The following MAGI1 variants were observed in gnomAD, a reference collection of about 807,000 sequenced individuals.
MAGI1 encodes the protein membrane-associated guanylate kinase, WW and PDZ domain-containing protein 1.
MAGI1 carries 58 observed loss-of-function variants against 139.9 expected under a neutral mutation model. The observed-to-expected ratio is 0.41, with a 90% confidence interval of 0.34 to 0.52. The LOEUF (loss-of-function observed/expected upper bound fraction) is 0.52, where lower values mean the gene tolerates loss of function less well. MAGI1 is among the 20% of genes least tolerant of loss of function. MAGI1 has a pLI of 0.12. For missense variants in MAGI1, 1,874 were observed against 1,901.6 expected (o/e 0.99, Z 0.27); for synonymous variants, 812 against 737.9 (o/e 1.10, Z -1.63).
At chr3:65,509,363 CG>C (rs1396067906) in intron 2 of MAGI1, among the ~76,000 whole-genome samples, 1 of 152,098 alleles carries the variant, frequency 6.6e-6, no homozygotes, top group Non-Finnish European at 1.5e-5. Context: ...ACGCAGAAGA[CG>C]GGTGATTTCT....
chr3:65,530,810 CATATATAT>C (rs1198443571), intron 2 of MAGI1, among the ~76,000 whole-genome samples: 26,925 of 91,206 alleles, frequency 0.3, 5,365 homozygotes, highest in African/African-American at 0.37. Flanking sequence ...TATATACACA[CATATATAT>C]ACACGTATAT....
At chr3:65,662,751 T>A (rs1318792543) in intron 1 of MAGI1, among the ~76,000 whole-genome samples, 1 of 152,204 alleles carries the variant, frequency 6.6e-6, no homozygotes, top group Admixed American at 6.5e-5. Flanking sequence ...ATTTCCAGTA[T>A]ACGATATTAT....
At chr3:65,386,262 AAG>A (rs888235828) in intron 14 of MAGI1, among the ~76,000 whole-genome samples, 2 of 128,074 alleles carry the variant, frequency 1.6e-5, no homozygotes, top group South Asian at 2.5e-4. Flanking sequence ...AAAAAAAAAA[AAG>A]CTTCGTTTCC....
At chr3:65,581,163 G>A (rs1421076749) in intron 2 of MAGI1, among the ~76,000 whole-genome samples, 1 of 151,616 alleles carries the variant, frequency 6.6e-6, no homozygotes, top group Non-Finnish European at 1.5e-5. Context: ...ACTCCCTACA[G>A]TCTGAGAGGC....
intron 13 of MAGI1, among the ~76,000 whole-genome samples, chr3:65,401,158 A>T (rs1203474511): frequency 6.6e-6 from 1 of 152,110 alleles, no homozygotes; most frequent in African/African-American, 2.4e-5. Flanking sequence ...CCTTTGAAGG[A>T]GAGTGTGGAT....
At chr3:65,809,310 C>A (rs2041068795) in intron 1 of MAGI1, among the ~76,000 whole-genome samples, 1 of 152,140 alleles carries the variant, frequency 6.6e-6, no homozygotes. Flanking sequence ...ACCACTAGGA[C>A]ATGGTAACAG....
intron 1 of MAGI1, among the ~76,000 whole-genome samples, chr3:65,956,583 C>A (rs1399252457): frequency 6.6e-6 from 1 of 152,182 alleles, no homozygotes; most frequent in Non-Finnish European, 1.5e-5. Context: ...AGTAGGCATA[C>A]TTTCAGGTGG....
rs114313546 is a variant in MAGI1, at chr3:65,410,616, C to T, written c.2168-9146G>A. Among the ~76,000 whole-genome samples the T allele has an allele frequency of 4.0e-3, 605 of 152,280 alleles. 3 individuals are homozygous for T. The highest frequency in any genetic ancestry group is 0.014 in the African/African-American group (583 of 41,550). On this transcript the variant is annotated intron_variant, in intron 12 of 22. Coordinates refer to ENST00000402939, the MANE Select transcript of MAGI1 (RefSeq NM_001033057.2). ...CTACCACTGACAACTGCTAGGTCAA[C>T]GGGGTCAAGGTATCTAGGGCTCATA...
At position 65,808,965 on chromosome 3, in the gene MAGI1, A is replaced by T. The variant is rs566688686; in HGVS notation, c.314-186877T>A. ...TAAAAGGGAAAGGAAATAAGGGGAG[A>T]TTTACGCTGGGAAAATGAGAGTAAT... On this transcript the variant is annotated intron_variant, in intron 1 of 22. Transcript: ENST00000402939. Among the ~76,000 whole-genome samples the T allele has an allele frequency of 1.6e-4, 24 of 152,266 alleles. 1 individual carries two copies. The South Asian group carries it at 4.8e-3, about 30-fold the overall frequency.
At chr3:65,688,250 G>C (rs879224872) in intron 1 of MAGI1, 1 of 839,942 alleles carries the variant, frequency 1.2e-6, no homozygotes, top group South Asian at 1.3e-5. Flanking sequence ...CCCAGACTCT[G>C]GTCTGAATCC....
intron 1 of MAGI1, among the ~76,000 whole-genome samples, chr3:65,635,607 G>A (rs2084568495): frequency 6.6e-6 from 1 of 152,136 alleles, no homozygotes; most frequent in African/African-American, 2.4e-5. Context: ...AGCACCCAGG[G>A]GTAAACCCTT....
intron 2 of MAGI1, among the ~76,000 whole-genome samples, chr3:65,579,418 CT>C (rs747852110): frequency 2.6e-5 from 4 of 152,186 alleles, no homozygotes; most frequent in Non-Finnish European, 5.9e-5. Flanking sequence ...TGCCCTATGA[CT>C]ACCAGATACA....
At chr3:65,926,581 GCCAAAACCTA>G (rs1028207212) in intron 1 of MAGI1, among the ~76,000 whole-genome samples, 3 of 152,164 alleles carry the variant, frequency 2.0e-5, no homozygotes, top group African/African-American at 7.2e-5. Context: ...AAAGAAGCCA[GCCAAAACCTA>G]CCAAAACCAA....
At chr3:65,559,111 C>T (rs1366841321) in intron 2 of MAGI1, among the ~76,000 whole-genome samples, 1 of 152,182 alleles carries the variant, frequency 6.6e-6, no homozygotes, top group African/African-American at 2.4e-5. Flanking sequence ...TTCTTGGAGT[C>T]CATTTTCCTC....
intron 1 of MAGI1, among the ~76,000 whole-genome samples, chr3:65,995,259 CA>C (rs1183069023): frequency 1.3e-5 from 2 of 152,252 alleles, no homozygotes; most frequent in East Asian, 3.9e-4. Flanking sequence ...ACATAAATAA[CA>C]AATGCAATAT....
At chr3:65,837,157 G>A (rs549018485) in intron 1 of MAGI1, among the ~76,000 whole-genome samples, 37 of 152,172 alleles carry the variant, frequency 2.4e-4, no homozygotes, top group Non-Finnish European at 3.7e-4. Flanking sequence ...GCTTCTCCAC[G>A]AAGTATTATG....
chr3:65,370,911 T>A (rs1019900589), intron 18 of MAGI1, among the ~76,000 whole-genome samples: 1 of 152,232 alleles, frequency 6.6e-6, no homozygotes, highest in African/African-American at 2.4e-5. Flanking sequence ...CCTGCCTCAG[T>A]CTCCACAAGT....
At chr3:66,022,604 T>A (rs181042175) in intron 1 of MAGI1, among the ~76,000 whole-genome samples, 45 of 152,330 alleles carry the variant, frequency 3.0e-4, no homozygotes, top group African/African-American at 1.0e-3. Context: ...GAACAATTAC[T>A]GGGGATTTTT....
chr3:65,459,949 A>T (rs948321860), intron 5 of MAGI1, among the ~76,000 whole-genome samples: 1 of 152,012 alleles, frequency 6.6e-6, no homozygotes, highest in East Asian at 1.9e-4. Context: ...AAAAAAGAAA[A>T]AAGAGTGGGG....
Sources: allele counts gnomAD v4.1 joint callset (sites outside exome capture counted in the v4.1 genomes callset), GRCh38; gene constraint gnomAD v4.1.1; transcripts MANE v1.5; gene names NCBI Gene and HGNC (gene_info 2026-07-23, HGNC 2026-07-21).